GRAMD1B: variants seen among roughly 807,000 people sequenced by gnomAD.
GRAMD1B encodes protein Aster-B.
GRAMD1B carries 37 observed loss-of-function variants against 99.7 expected under a neutral mutation model. The observed-to-expected ratio is 0.37, with a 90% CI of 0.29 to 0.49. GRAMD1B has a LOEUF of 0.49. Among genes scored for constraint, GRAMD1B ranks in the 20% least tolerant of loss-of-function variants. The probability of loss-of-function intolerance (pLI) is 0.98; values close to 1 mark genes in which losing one functional copy is unlikely to be tolerated. For synonymous variants in GRAMD1B, 427 were observed against 387.6 expected (o/e 1.10, Z -1.19); for missense variants, 888 against 1,009.2 (o/e 0.88, Z 1.63).
At chr11:123,618,358 T>C in intron 17 of GRAMD1B, 3 of 1,612,704 alleles carry the variant, frequency 1.9e-6, no homozygotes, top group Non-Finnish European at 2.5e-6. Context: ...CTGTTTCAGG[T>C]ACTGGCTCTA....
intron 1 of GRAMD1B, among the ~76,000 whole-genome samples, chr11:123,375,660 C>T (rs562605857): frequency 4.5e-4 from 68 of 152,242 alleles, no homozygotes; most frequent in African/African-American, 1.6e-3. Context: ...GTGAGAGTCA[C>T]ACTGGGCCTT....
At chr11:123,536,861 G>A (rs1565343689) in intron 2 of GRAMD1B, among the ~76,000 whole-genome samples, 1 of 152,138 alleles carries the variant, frequency 6.6e-6, no homozygotes, top group Non-Finnish European at 1.5e-5. Flanking sequence ...CACTGCACTG[G>A]AGGCTGGAAC....
At chr11:123,575,448 G>A (rs926264952) in intron 2 of GRAMD1B, among the ~76,000 whole-genome samples, 3 of 152,124 alleles carry the variant, frequency 2.0e-5, no homozygotes, top group African/African-American at 7.2e-5. Context: ...CTCCCAAGTA[G>A]CTGGGATTAC....
chr11:123,363,011 A>G (rs1388959405), intron 1 of GRAMD1B, among the ~76,000 whole-genome samples: 2 of 152,150 alleles, frequency 1.3e-5, no homozygotes, highest in Non-Finnish European at 1.5e-5. Context: ...GAGAGGAAAC[A>G]GATGGAACAA....
intron 14 of GRAMD1B, among the ~76,000 whole-genome samples, chr11:123,611,277 A>G (rs1953514904): frequency 1.3e-5 from 2 of 152,032 alleles, no homozygotes; most frequent in African/African-American, 4.8e-5. Flanking sequence ...GTCTGAAAAA[A>G]AATAAAAGTT....
At chr11:123,435,667 T>C in intron 1 of GRAMD1B, 1 of 468,254 alleles carries the variant, frequency 2.1e-6, no homozygotes, top group East Asian at 3.1e-5. Context: ...TAGATGTTTG[T>C]TGATGAGTTA....
At chr11:123,582,763 C>A (rs925451414) in intron 3 of GRAMD1B, among the ~76,000 whole-genome samples, 7 of 152,148 alleles carry the variant, frequency 4.6e-5, no homozygotes, top group African/African-American at 1.7e-4. Flanking sequence ...GGGCACACAC[C>A]CACCCTTGTG....
chr11:123,600,594 A>C, intron 8 of GRAMD1B, 46 bp downstream of exon 8: 4 of 1,234,504 alleles, frequency 3.2e-6, no homozygotes, highest in African/African-American at 1.5e-5. Context: ...GGCTATCTCT[A>C]GAGAAGCCTT....
intron 1 of GRAMD1B, among the ~76,000 whole-genome samples, chr11:123,461,967 C>CTTT (rs756413526): frequency 7.4e-5 from 9 of 122,292 alleles, no homozygotes; most frequent in Non-Finnish European, 1.4e-4. Flanking sequence ...TTGTTTATTT[C>CTTT]TTTTTTTTTT....
chr11:123,363,029 A>T (rs1946198019), intron 1 of GRAMD1B, among the ~76,000 whole-genome samples: 2 of 152,140 alleles, frequency 1.3e-5, no homozygotes, highest in South Asian at 2.1e-4. Flanking sequence ...CAAGAGGAAG[A>T]TGCAGCGAGC....
intron 6 of GRAMD1B, 75 bp from the exon 7 acceptor site, chr11:123,595,867 C>G: frequency 1.3e-6 from 1 of 760,798 alleles, no homozygotes. Flanking sequence ...CACTGGCGCC[C>G]CCTGAACACT....
chr11:123,556,341 G>T (rs702740), intron 2 of GRAMD1B, among the ~76,000 whole-genome samples: 8,208 of 152,280 alleles, frequency 0.054, 281 homozygotes, highest in Non-Finnish European at 0.081. Context: ...ATTCAGAGAC[G>T]TAAGATCTTA....
intron 1 of GRAMD1B, among the ~76,000 whole-genome samples, chr11:123,383,928 T>C (rs1157416322): frequency 6.6e-6 from 1 of 152,142 alleles, no homozygotes; most frequent in Non-Finnish European, 1.5e-5. Flanking sequence ...TGGAGTGCAG[T>C]GACGCGATCT....
In GRAMD1B at chr11:123,619,365, G is replaced by T. The variant is rs112084747; in HGVS notation, c.2544+141G>T. 64 of 1,516,356 alleles carry T rather than the reference G, an allele frequency of 4.2e-5. 1 individual carries two copies. The African/African-American group carries it at 5.5e-4, about 13-fold the overall frequency. The allele number at this position is 1,516,356 out of a possible 1,614,324, so 93.9% of individuals were successfully genotyped here. A position where few individuals can be genotyped will look rare whatever the true frequency, so the allele number is the denominator to read the frequency against. ...TCATTCTTCCTCCAGGCCATGCATT[G>T]TTCTAAATGGAAAGCCTTCCTTGAG... is the stretch of plus-strand genomic sequence containing the variant. On this transcript the variant is annotated intron_variant, in intron 19 of 19. Transcript: ENST00000635736.
intron 2 of GRAMD1B, among the ~76,000 whole-genome samples, chr11:123,556,764 G>A (rs938428035): frequency 1.3e-5 from 2 of 152,328 alleles, no homozygotes; most frequent in South Asian, 2.1e-4. Flanking sequence ...GTCCGGAGGC[G>A]TAAGTTCCGT....
intron 2 of GRAMD1B, among the ~76,000 whole-genome samples, chr11:123,508,854 T>A (rs1284771532): frequency 6.6e-6 from 1 of 152,108 alleles, no homozygotes; most frequent in Non-Finnish European, 1.5e-5. Flanking sequence ...ACTGGCTAAT[T>A]TTGTATTTTT....
intron 1 of GRAMD1B, among the ~76,000 whole-genome samples, chr11:123,463,453 A>G (rs1021757925): frequency 9.2e-5 from 14 of 152,242 alleles, no homozygotes; most frequent in African/African-American, 3.1e-4. Context: ...TATTCCTAGT[A>G]TTAAATACAA....
At chr11:123,593,631 C>G (rs1306939323) in intron 4 of GRAMD1B, among the ~76,000 whole-genome samples, 1 of 152,148 alleles carries the variant, frequency 6.6e-6, no homozygotes, top group Non-Finnish European at 1.5e-5. Flanking sequence ...AGTGCTCACT[C>G]TGATAATCAC....
chr11:123,380,664 C>T (rs1946841348), intron 1 of GRAMD1B, among the ~76,000 whole-genome samples: 1 of 152,180 alleles, frequency 6.6e-6, no homozygotes, highest in South Asian at 2.1e-4. Context: ...GCCGTTTCAA[C>T]ACGGCCAGCA....
Sources: gnomAD v4.1 joint callset for allele counts (sites outside exome capture counted in the v4.1 genomes callset) on GRCh38, gnomAD v4.1.1 for gene constraint, MANE v1.5 for transcripts, NCBI Gene and HGNC (gene_info 2026-07-23, HGNC 2026-07-21) for gene names.